RBFOX1: variants seen among roughly 807,000 people sequenced by gnomAD.
RBFOX1 encodes RNA binding protein fox-1 homolog 1.
Under a neutral mutation model 57.7 loss-of-function variants are expected in RBFOX1, and 8 were observed. The ratio of observed to expected loss-of-function variants is 0.14; its 90% CI spans 0.08 to 0.25. The LOEUF (loss-of-function observed/expected upper bound fraction) is 0.25, where lower values mean the gene tolerates loss of function less well. RBFOX1 is among the 10% of genes least tolerant of loss of function. The pLI, the probability that RBFOX1 is intolerant of heterozygous loss-of-function variation, is 1.00. For synonymous variants in RBFOX1, 326 were observed against 222.4 expected, an observed-to-expected ratio of 1.47 and a Z score of -4.15; for missense variants, 611 against 548.5, an observed-to-expected ratio of 1.11 and a Z score of -1.14.
intron 4 of RBFOX1, among the ~76,000 whole-genome samples, chr16:7,255,953 C>T (rs2094661819): frequency 6.6e-6 from 1 of 152,126 alleles, no homozygotes; most frequent in African/African-American, 2.4e-5. Context: ...AAAGTGTTCA[C>T]TTTGGGATGG....
chr16:7,185,084 A>G (rs907798503), intron 4 of RBFOX1, among the ~76,000 whole-genome samples: 1 of 152,222 alleles, frequency 6.6e-6, no homozygotes, highest in Non-Finnish European at 1.5e-5. Flanking sequence ...GAATGTCCAT[A>G]CAATATATCT....
At chr16:7,047,125 C>T (rs528881572) in intron 3 of RBFOX1, among the ~76,000 whole-genome samples, 7 of 149,922 alleles carry the variant, frequency 4.7e-5, no homozygotes, top group African/African-American at 1.5e-4. Context: ...AACATTTACT[C>T]ATATGTTTAC....
At chr16:5,458,747 C>G (rs1458113620) in intron 1 of RBFOX1, among the ~76,000 whole-genome samples, 1 of 152,228 alleles carries the variant, frequency 6.6e-6, no homozygotes, top group Non-Finnish European at 1.5e-5. Context: ...TATAACAAAA[C>G]TTAAACCTAT....
intron 2 of RBFOX1, among the ~76,000 whole-genome samples, chr16:6,327,617 A>G (rs1257003003): frequency 6.6e-6 from 1 of 152,184 alleles, no homozygotes; most frequent in Non-Finnish European, 1.5e-5. Context: ...TAGGAGTCAA[A>G]TAGAATCTAT....
rs549417380 is a variant in RBFOX1 at position 6,020,590 on chromosome 16, A to T, written c.-127+598A>T. ...AGGGGGCCAGCCGGGAAACCTGCGA[A>T]TGGGAAACTCCTACTGTGCCCCTGG... On this transcript the variant is annotated intron_variant, in intron 1 of 15. Coordinates refer to ENST00000550418, the MANE Select transcript of RBFOX1 (RefSeq NM_018723.4). Among the ~76,000 whole-genome samples, 349 of 152,236 alleles carry T rather than the reference A, an allele frequency of 2.3e-3. 1 individual carries two copies. Among genetic ancestry groups the T allele is most frequent in the African/African-American group, 8.3e-3 (346 of 41,550 alleles).
chr16:6,046,517 A>C (rs551328150), intron 1 of RBFOX1, among the ~76,000 whole-genome samples: 4 of 152,272 alleles, frequency 2.6e-5, no homozygotes, highest in South Asian at 2.1e-4. Context: ...TTCAGGTCTA[A>C]AAGTAGGATT....
intron 3 of RBFOX1, among the ~76,000 whole-genome samples, chr16:6,954,957 G>C (rs1268456933): frequency 6.6e-6 from 1 of 151,978 alleles, no homozygotes; most frequent in Non-Finnish European, 1.5e-5. Context: ...AAGGCTGGGT[G>C]TGGTGGCTCG....
At chr16:6,991,400 T>A (rs1489131869) in intron 3 of RBFOX1, among the ~76,000 whole-genome samples, 1 of 152,118 alleles carries the variant, frequency 6.6e-6, no homozygotes, top group Non-Finnish European at 1.5e-5. Context: ...TAAGCAACAT[T>A]CCGTTTGGGC....
At chr16:6,702,667 G>A (rs1229497306) in intron 3 of RBFOX1, among the ~76,000 whole-genome samples, 1 of 152,214 alleles carries the variant, frequency 6.6e-6, no homozygotes, top group Non-Finnish European at 1.5e-5. Flanking sequence ...TGACTGGTGA[G>A]AATAATTGCT....
intron 2 of RBFOX1, among the ~76,000 whole-genome samples, chr16:6,626,654 G>A (rs2098312222): frequency 6.6e-6 from 1 of 152,122 alleles, no homozygotes; most frequent in Admixed American, 6.5e-5. Context: ...CAGGTACTCA[G>A]GAGGCTGAGG....
chr16:6,828,001 C>A (rs984674660), intron 3 of RBFOX1, among the ~76,000 whole-genome samples: 1 of 152,150 alleles, frequency 6.6e-6, no homozygotes, highest in Non-Finnish European at 1.5e-5. Context: ...TTTTGCTCAT[C>A]AATTTTTCCC....
At chr16:6,974,731 ATC>A (rs2086423235) in intron 3 of RBFOX1, among the ~76,000 whole-genome samples, 2 of 152,016 alleles carry the variant, frequency 1.3e-5, no homozygotes, top group South Asian at 4.2e-4. Context: ...TATTTTTCTT[ATC>A]TCTTAACTGA....
At chr16:7,643,607 T>A (rs568902644) in intron 11 of RBFOX1, among the ~76,000 whole-genome samples, 1 of 152,340 alleles carries the variant, frequency 6.6e-6, no homozygotes, top group South Asian at 2.1e-4. Context: ...CACACTGTAC[T>A]AGTACAAACC....
chr16:7,072,262 T>G (rs1019541212), intron 4 of RBFOX1, among the ~76,000 whole-genome samples: 1 of 152,200 alleles, frequency 6.6e-6, no homozygotes, highest in Non-Finnish European at 1.5e-5. Context: ...CAGAATGACC[T>G]TTAAAGAGCT....
intron 4 of RBFOX1, among the ~76,000 whole-genome samples, chr16:7,311,585 T>C (rs2096310590): frequency 6.7e-6 from 1 of 149,224 alleles, no homozygotes; most frequent in Non-Finnish European, 1.5e-5. Context: ...TTCCCTTCCA[T>C]AGATCAGCTT....
At chr16:5,315,888 C>T (rs573695528) in intron 1 of RBFOX1, among the ~76,000 whole-genome samples, 184 of 152,252 alleles carry the variant, frequency 1.2e-3, no homozygotes, top group Non-Finnish European at 1.9e-3. Context: ...GTATCAGACT[C>T]ATCATACATT....
At chr16:6,868,621 A>G (rs2060343107) in intron 3 of RBFOX1, among the ~76,000 whole-genome samples, 1 of 151,982 alleles carries the variant, frequency 6.6e-6, no homozygotes, top group Admixed American at 6.6e-5. Flanking sequence ...ATAGGCACAC[A>G]CCACCACGCC....
intron 2 of RBFOX1, among the ~76,000 whole-genome samples, chr16:6,459,301 A>G (rs918074112): frequency 2.0e-5 from 3 of 152,056 alleles, no homozygotes; most frequent in Non-Finnish European, 4.4e-5. Context: ...GCGCCACTGC[A>G]CTCCAGCCTG....
chr16:5,273,040 G>T (rs193113017), intron 1 of RBFOX1, among the ~76,000 whole-genome samples: 29 of 152,270 alleles, frequency 1.9e-4, no homozygotes, highest in Admixed American at 1.6e-3. Context: ...GTGGCAGTGG[G>T]CTGGGTACTG....
Sources: allele counts gnomAD v4.1 joint callset (sites outside exome capture counted in the v4.1 genomes callset), GRCh38; gene constraint gnomAD v4.1.1; transcripts MANE v1.5; gene names NCBI Gene and HGNC (gene_info 2026-07-23, HGNC 2026-07-21).